The following NRXN3 variants were observed in gnomAD, a reference collection of about 807,000 sequenced individuals.
The protein encoded by NRXN3 is neurexin III.
In NRXN3, 32 loss-of-function variants were observed where a neutral mutation model predicts 137.6. That is an observed-to-expected ratio of 0.23 (90% CI 0.18 to 0.31). NRXN3 has a LOEUF of 0.31. NRXN3 is among the 10% of genes least tolerant of loss of function. NRXN3 has a pLI of 1.00. For synonymous variants in NRXN3, 798 were observed against 784.5 expected (o/e 1.02, Z -0.29); for missense variants, 1,574 against 2,062.5 (o/e 0.76, Z 4.59).
intron 10 of NRXN3, among the ~76,000 whole-genome samples, chr14:78,939,137 G>A (rs891528614): frequency 4.6e-5 from 7 of 151,958 alleles, no homozygotes; most frequent in African/African-American, 9.7e-5. Context: ...GAGCCACCGC[G>A]CCCGGCCCAG....
At chr14:78,187,266 T>C (rs953304708) in intron 1 of NRXN3, among the ~76,000 whole-genome samples, 42 of 45,978 alleles carry the variant, frequency 9.1e-4, no homozygotes, top group African/African-American at 1.7e-3. Flanking sequence ...TGTGTGTGTG[T>C]TTTTTTTTTT....
intron 8 of NRXN3, among the ~76,000 whole-genome samples, chr14:78,738,484 G>T (rs1461189796): frequency 1.3e-5 from 2 of 152,132 alleles, no homozygotes; most frequent in Admixed American, 1.3e-4. Flanking sequence ...CAGGACAGTG[G>T]TATCTGTCCG....
intron 16 of NRXN3, among the ~76,000 whole-genome samples, chr14:79,642,220 A>G (rs1278759183): frequency 7.4e-6 from 1 of 135,466 alleles, no homozygotes; most frequent in African/African-American, 2.5e-5. Context: ...TCTTCTATTA[A>G]TCAATCAAGA....
At chr14:79,790,815 T>C (rs1014053786) in intron 19 of NRXN3, among the ~76,000 whole-genome samples, 2 of 151,968 alleles carry the variant, frequency 1.3e-5, no homozygotes, top group South Asian at 4.2e-4. Context: ...GAGGCAGGGT[T>C]TCACCATCTT....
chr14:79,216,623 T>C (rs575898134), intron 15 of NRXN3, among the ~76,000 whole-genome samples: 2 of 152,338 alleles, frequency 1.3e-5, no homozygotes, highest in South Asian at 4.1e-4. Flanking sequence ...ATCTTGCTAA[T>C]GTAAGATGGT....
intron 10 of NRXN3, among the ~76,000 whole-genome samples, chr14:78,943,461 G>C (rs2099357051): frequency 6.6e-6 from 1 of 150,846 alleles, no homozygotes; most frequent in Non-Finnish European, 1.5e-5. Flanking sequence ...ACCCTGGTGG[G>C]ACACTCTAAA....
chr14:79,427,935 A>T (rs1041795597), intron 15 of NRXN3, among the ~76,000 whole-genome samples: 5 of 152,152 alleles, frequency 3.3e-5, no homozygotes, highest in African/African-American at 1.2e-4. Context: ...CCTGAGTGCT[A>T]CATCGAGAGA....
chr14:79,671,976 G>A (rs890289317), intron 17 of NRXN3, among the ~76,000 whole-genome samples: 1 of 152,034 alleles, frequency 6.6e-6, no homozygotes, highest in Non-Finnish European at 1.5e-5. Flanking sequence ...ATAGCTCAAG[G>A]TTATTTATAA....
chr14:78,675,597 C>T (rs543347018), intron 6 of NRXN3, among the ~76,000 whole-genome samples: 1 of 152,182 alleles, frequency 6.6e-6, no homozygotes, highest in Non-Finnish European at 1.5e-5. Context: ...GTTTGAAATA[C>T]CTTAGGGAAA....
chr14:79,696,213 T>C lies in NRXN3; in HGVS notation c.3707-1417T>C, dbSNP rs375580466. On this transcript the variant is annotated intron_variant, in intron 18 of 20. Coordinates refer to ENST00000335750, the MANE Select transcript of NRXN3 (RefSeq NM_001330195.2). ...TGTAGCCTTGAAGACCATGTAATAG[T>C]GGTAGATTTTTAAAGCCCAAACGTG... 6.6e-5 allele frequency among the ~76,000 whole-genome samples: 10 copies of C among 152,084 alleles called. No individual in the cohort carries two copies. In the East Asian group the frequency reaches 1.4e-3, roughly 21 times the overall value.
At chr14:78,623,681 C>T (rs1055708622) in intron 4 of NRXN3, among the ~76,000 whole-genome samples, 1 of 152,208 alleles carries the variant, frequency 6.6e-6, no homozygotes, top group Non-Finnish European at 1.5e-5. Flanking sequence ...ATTCTCCTGC[C>T]TCAGCCTCCC....
rs150818830 is a variant in NRXN3, at chr14:78,901,566, T to A, written c.2276-55676T>A. On this transcript the variant is annotated intron_variant, in intron 10 of 20. Coordinates refer to ENST00000335750, the MANE Select transcript of NRXN3 (RefSeq NM_001330195.2). ...GATCTCTATCAAAGTTATTGTCAACTGCAGTTCATTCTGCTGTTATTTTTA... is the reference window on the plus strand; with the variant it reads ...GATCTCTATCAAAGTTATTGTCAACAGCAGTTCATTCTGCTGTTATTTTTA... 4.8e-3 allele frequency among the ~76,000 whole-genome samples: 734 copies of A among 152,192 alleles called. 4 individuals are homozygous for A. The highest frequency in any genetic ancestry group is 7.1e-3 in the Non-Finnish European group (483 of 67,964).
chr14:79,605,269 C>T (rs1422396997), intron 16 of NRXN3, among the ~76,000 whole-genome samples: 1 of 152,120 alleles, frequency 6.6e-6, no homozygotes, highest in African/African-American at 2.4e-5. Flanking sequence ...CCAGGGCCTC[C>T]AACTTCACAG....
At chr14:78,507,379 C>T (rs2096013637) in intron 4 of NRXN3, among the ~76,000 whole-genome samples, 1 of 152,124 alleles carries the variant, frequency 6.6e-6, no homozygotes, top group Non-Finnish European at 1.5e-5. Context: ...GTTTTCTCTC[C>T]TCTGGGGAAA....
At chr14:79,729,800 G>A (rs1404740968) in intron 19 of NRXN3, among the ~76,000 whole-genome samples, 1 of 152,156 alleles carries the variant, frequency 6.6e-6, no homozygotes, top group Non-Finnish European at 1.5e-5. Flanking sequence ...ATCAGGTGCT[G>A]AACCTATCCT....
intron 4 of NRXN3, among the ~76,000 whole-genome samples, chr14:78,472,308 CG>C (rs1247153386): frequency 6.6e-6 from 1 of 152,064 alleles, no homozygotes; most frequent in Non-Finnish European, 1.5e-5. Context: ...ACTTAAGGAT[CG>C]GGGAAGTTAA....
In NRXN3 at chr14:79,864,980, T is replaced by G. The variant is rs1437342500; in HGVS notation, c.*3016T>G. 6.6e-6 allele frequency: 1 copy of G among 152,174 alleles called. No homozygotes were observed. The allele number at this position is 152,174 out of a possible 1,614,324, so 9.4% of individuals were successfully genotyped here. On this transcript the variant is annotated 3_prime_UTR_variant, in exon 21 of 21. Coordinates refer to ENST00000335750, the MANE Select transcript of NRXN3 (RefSeq NM_001330195.2). ...GTTAGCCGGGATGGTCTCGATCTCC[T>G]GACCTCGTAATCCACCCGCCTCGGC...
chr14:79,122,936 T>A (rs2055701617), intron 15 of NRXN3, among the ~76,000 whole-genome samples: 1 of 152,186 alleles, frequency 6.6e-6, no homozygotes, highest in African/African-American at 2.4e-5. Flanking sequence ...TTACTCCTGT[T>A]TTTCTTTGGA....
chr14:78,217,434 G>A (rs1357380421), intron 1 of NRXN3, among the ~76,000 whole-genome samples: 1 of 152,096 alleles, frequency 6.6e-6, no homozygotes, highest in Admixed American at 6.5e-5. Flanking sequence ...CAGGGATGTT[G>A]CCAATCATCC....
Sources: gnomAD v4.1 joint callset for allele counts (sites outside exome capture counted in the v4.1 genomes callset) on GRCh38, gnomAD v4.1.1 for gene constraint, MANE v1.5 for transcripts, NCBI Gene and HGNC (gene_info 2026-07-23, HGNC 2026-07-21) for gene names.